Variants in ABCB1 observed in about 807,000 individuals in gnomAD.
ABCB1 encodes ATP binding cassette subfamily B member 1.
Under a neutral mutation model 142.0 loss-of-function variants are expected in ABCB1, and 69 were observed. The ratio of observed to expected loss-of-function variants is 0.49; its 90% CI spans 0.40 to 0.59. The LOEUF (loss-of-function observed/expected upper bound fraction) is 0.59. Among genes scored for constraint, ABCB1 ranks in the 20% least tolerant of loss-of-function variants. The pLI is 0.00. For synonymous variants in ABCB1, 532 were observed against 539.2 expected (o/e 0.99, Z 0.18); for missense variants, 1,326 against 1,554.7 (o/e 0.85, Z 2.47).
At chr7:87,585,418 T>G in intron 4 of ABCB1, 94 bp downstream of exon 4, 1 of 1,233,550 alleles carries the variant, frequency 8.1e-7, no homozygotes, top group Non-Finnish European at 1.2e-6. Context: ...CTAAACACAC[T>G]AATGTGTATT....
At chr7:87,597,237 CT>C (rs1225010511) in intron 2 of ABCB1, among the ~76,000 whole-genome samples, 1 of 151,974 alleles carries the variant, frequency 6.6e-6, no homozygotes, top group African/African-American at 2.4e-5. Flanking sequence ...ACTCTCACCC[CT>C]ACTAGATAAC....
intron 1 of ABCB1, among the ~76,000 whole-genome samples, chr7:87,667,054 G>A (rs1317656978): frequency 1.3e-5 from 2 of 152,140 alleles, no homozygotes; most frequent in African/African-American, 4.8e-5. Flanking sequence ...GATAGGAATA[G>A]CATTGAATCT....
At chr7:87,582,995 A>C (rs969305815) in intron 4 of ABCB1, among the ~76,000 whole-genome samples, 1 of 152,222 alleles carries the variant, frequency 6.6e-6, no homozygotes, top group African/African-American at 2.4e-5. Flanking sequence ...ATCATATAAT[A>C]GGTACTGAGT....
intron 1 of ABCB1, among the ~76,000 whole-genome samples, chr7:87,675,443 C>T (rs907146437): frequency 3.9e-5 from 6 of 152,102 alleles, no homozygotes; most frequent in African/African-American, 1.4e-4. Context: ...TGCTTCCTGA[C>T]TTCAAACTAT....
At chr7:87,513,424 C>T (rs1445935477) in intron 25 of ABCB1, among the ~76,000 whole-genome samples, 1 of 151,976 alleles carries the variant, frequency 6.6e-6, no homozygotes, top group African/African-American at 2.4e-5. Flanking sequence ...ATTAATTATT[C>T]CTTATTGTAT....
At chr7:87,535,303 C>G (rs1816241211) in intron 20 of ABCB1, among the ~76,000 whole-genome samples, 1 of 151,758 alleles carries the variant, frequency 6.6e-6, no homozygotes, top group Non-Finnish European at 1.5e-5. Flanking sequence ...CTCTTCTTTT[C>G]ACTCACTTTA....
rs563554741 is a variant in ABCB1, at chr7:87,689,492, G to A, written c.-331+23669C>T. On this transcript the variant is annotated intron_variant, in intron 1 of 28. Transcript: ENST00000265724. ...TAATTCAACAATTTTGCTTTATTGCGCTAATATTTACTTTATTGTGCTAAT... is the reference window on the plus strand; with the variant it reads ...TAATTCAACAATTTTGCTTTATTGCACTAATATTTACTTTATTGTGCTAAT... 6.4e-4 allele frequency among the ~76,000 whole-genome samples: 97 copies of A among 151,816 alleles called. 1 individual carries two copies. Among genetic ancestry groups the A allele is most frequent in the African/African-American group, 2.3e-3 (94 of 41,422 alleles).
chr7:87,613,257 C>CTTTTTTTTTTTTTTTTTTTT (rs67823385), intron 1 of ABCB1, among the ~76,000 whole-genome samples: 9 of 64,212 alleles, frequency 1.4e-4, no homozygotes, highest in Admixed American at 2.1e-4. Context: ...TCCTTTATTT[C>CTTTTTTTTTTTTTTTTTTTT]TTTTTTTTTT....
At chr7:87,632,000 AG>A (rs924349046) in intron 1 of ABCB1, among the ~76,000 whole-genome samples, 2 of 152,190 alleles carry the variant, frequency 1.3e-5, no homozygotes, top group African/African-American at 4.8e-5. Flanking sequence ...TGTTTATAAT[AG>A]CTAAATTACG....
At chr7:87,569,621 T>G (rs1353551280) in intron 5 of ABCB1, among the ~76,000 whole-genome samples, 3 of 152,180 alleles carry the variant, frequency 2.0e-5, no homozygotes, top group Admixed American at 1.3e-4. Context: ...TCATGTCGTA[T>G]GAAAACATCC....
chr7:87,554,004 A>G, intron 8 of ABCB1, 72 bp from the exon 9 acceptor site: 1 of 1,427,758 alleles, frequency 7.0e-7, no homozygotes, highest in Non-Finnish European at 9.8e-7. Flanking sequence ...ATAGTTACAG[A>G]GTGGCTAGGA....
In ABCB1 at chr7:87,710,475, T is replaced by C. The variant is rs1420958212; in HGVS notation, c.-331+2686A>G. The C allele has an allele frequency of 5.9e-6, 4 of 680,242 alleles. No homozygotes were observed. In the Admixed American group the frequency reaches 1.2e-4, roughly 20 times the overall value. The allele number at this position is 680,242 out of a possible 1,614,324, so 42.1% of individuals were successfully genotyped here. A position where few individuals can be genotyped will look rare whatever the true frequency, so the allele number is the denominator to read the frequency against. On this transcript the variant is annotated intron_variant, in intron 1 of 28. Transcript: ENST00000265724. Reference sequence around the variant, plus strand: ...GTCGTTATCAAATGTATATTTTGAATGGCTGTTCTTTACATATTAAAATAT... The same window carrying C: ...GTCGTTATCAAATGTATATTTTGAACGGCTGTTCTTTACATATTAAAATAT...
intron 27 of ABCB1, among the ~76,000 whole-genome samples, chr7:87,504,744 G>A (rs1814654076): frequency 6.6e-6 from 1 of 151,274 alleles, no homozygotes; most frequent in Non-Finnish European, 1.5e-5. Flanking sequence ...GGCAGAGCTT[G>A]CAGGGAGCCA....
intron 1 of ABCB1, among the ~76,000 whole-genome samples, chr7:87,632,034 C>CA (rs1228617552): frequency 2.0e-5 from 3 of 150,200 alleles, no homozygotes; most frequent in African/African-American, 7.4e-5. Context: ...TCTCTATAAA[C>CA]AAAAATATTT....
intron 1 of ABCB1, among the ~76,000 whole-genome samples, chr7:87,669,589 T>C (rs1825626305): frequency 6.6e-6 from 1 of 152,244 alleles, no homozygotes; most frequent in Non-Finnish European, 1.5e-5. Context: ...TGTTTAAGCA[T>C]GTTTTTGTAT....
At chr7:87,708,037 C>G (rs1296032737) in intron 1 of ABCB1, among the ~76,000 whole-genome samples, 1 of 151,818 alleles carries the variant, frequency 6.6e-6, no homozygotes, top group Non-Finnish European at 1.5e-5. Context: ...CTTAAATAGG[C>G]TTTTGTGTAT....
chr7:87,517,606 G>A lies in ABCB1; in HGVS notation c.2928-941C>T, dbSNP rs74701111. Among the ~76,000 whole-genome samples the A allele has an allele frequency of 4.9e-3, 739 of 152,312 alleles. 8 individuals are homozygous for A. Among genetic ancestry groups the A allele is most frequent in the African/African-American group, 0.016 (665 of 41,564 alleles). On this transcript the variant is annotated intron_variant, in intron 23 of 27. Coordinates refer to ENST00000622132, the MANE Select transcript of ABCB1 (RefSeq NM_001348946.2). ...GTATGTCTCTGAGGTTTAGTGGCTG[G>A]TTGTTACACAGCATTATTGTGGTAA... is the stretch of plus-strand genomic sequence containing the variant.
chr7:87,661,133 A>G (rs1207111437), intron 1 of ABCB1, among the ~76,000 whole-genome samples: 1 of 151,944 alleles, frequency 6.6e-6, no homozygotes, highest in South Asian at 2.1e-4. Flanking sequence ...TTTTAATTTT[A>G]TGGGTACATA....
intron 23 of ABCB1, 66 bp from the exon 24 acceptor site, chr7:87,516,731 C>CTTTTTTTTTGTTTTTTTTTT (rs1815267301): frequency 1.6e-6 from 1 of 642,604 alleles, no homozygotes; most frequent in African/African-American, 3.6e-5. Context: ...GCTGACACTC[C>CTTTTTTTTTGTTTTTTTTTT]TTTTTTTTTT....
Sources: allele counts gnomAD v4.1 joint callset (sites outside exome capture counted in the v4.1 genomes callset), GRCh38; gene constraint gnomAD v4.1.1; transcripts MANE v1.5; gene names NCBI Gene and HGNC (gene_info 2026-07-23, HGNC 2026-07-21).